The following ZNF483 variants were observed in gnomAD, a reference collection of about 807,000 sequenced individuals.
ZNF483 encodes the protein zinc finger protein 483.
Under a neutral mutation model 28.6 loss-of-function variants are expected in ZNF483, and 9 were observed. The ratio of observed to expected loss-of-function variants is 0.32; its 90% confidence interval spans 0.19 to 0.55. The LOEUF is 0.55. ZNF483 is among the 20% of genes least tolerant of loss of function. The probability of loss-of-function intolerance (pLI) is 0.93; values close to 1 mark genes in which losing one functional copy is unlikely to be tolerated. For missense variants in ZNF483, 675 were observed against 871.7 expected (o/e 0.77, Z 2.84); for synonymous variants, 322 against 306.2 (o/e 1.05, Z -0.54).
chr9:111,572,432 TA>T (rs1352067494), intron 5 of ZNF483, among the ~76,000 whole-genome samples: 1 of 151,710 alleles, frequency 6.6e-6, no homozygotes, highest in Non-Finnish European at 1.5e-5. Context: ...CTACTAAAAA[TA>T]AAAAAAATTA....
At position 111,527,716 on chromosome 9, in the gene ZNF483, G is replaced by T. The variant is rs1304795856; in HGVS notation, c.321G>T (p.Glu107Asp). The change falls in exon 2 of 6, where the codon GAG becomes GAT. Residue 107 changes from glutamate to aspartate, a missense_variant. Glu to Asp is a conservative substitution (Grantham distance 45). Coordinates refer to ENST00000309235, the MANE Select transcript of ZNF483 (RefSeq NM_133464.5). ...FEQFLTILPGEIRIWVKSQHP... is the reference protein window; with the variant it reads ...FEQFLTILPGDIRIWVKSQHP... ...AGTTCCTGACCATTTTGCCTGGGGA[G>T]ATCAGGATTTGGGTAAAGTCACAAC... 1.2e-6 allele frequency: 2 copies of T among 1,614,174 alleles called. No individual in the cohort carries two copies. The highest frequency in any genetic ancestry group is 1.7e-6 in the Non-Finnish European group (2 of 1,180,028).
intron 5 of ZNF483, chr9:111,563,074 A>C: frequency 6.3e-7 from 1 of 1,598,940 alleles, no homozygotes; most frequent in Non-Finnish European, 8.5e-7. Flanking sequence ...TGAAAAACAA[A>C]TTAACTAATC....
intron 5 of ZNF483, among the ~76,000 whole-genome samples, chr9:111,537,396 A>G (rs938297719): frequency 6.6e-6 from 1 of 151,820 alleles, no homozygotes; most frequent in African/African-American, 2.4e-5. Flanking sequence ...TAAATTTTGT[A>G]TTTTCAGTAG....
chr9:111,571,164 C>T (rs1380884647), intron 5 of ZNF483, among the ~76,000 whole-genome samples: 1 of 149,816 alleles, frequency 6.7e-6, no homozygotes, highest in Non-Finnish European at 1.5e-5. Flanking sequence ...TATAATCCAG[C>T]ATTTTGGGAG....
chr9:111,538,210 A>T (rs958248806), intron 5 of ZNF483, among the ~76,000 whole-genome samples: 6 of 151,756 alleles, frequency 4.0e-5, no homozygotes, highest in African/African-American at 9.7e-5. Context: ...TTTTTCTAAC[A>T]TGTTTATTGA....
chr9:111,549,034 A>G lies in ZNF483; in HGVS notation c.*5864A>G, dbSNP rs748450511. Among the ~76,000 whole-genome samples the G allele has an allele frequency of 3.3e-5, 5 of 152,026 alleles. No homozygotes were observed. The highest frequency in any genetic ancestry group is 4.8e-5 in the African/African-American group (2 of 41,388). ...CTCTGTGGGGTGAGGGTAGGAGTCA[A>G]TTGCAGTGCTTGTTGCCATAGTTCA... On this transcript the variant is annotated 3_prime_UTR_variant, in exon 6 of 6. Coordinates refer to ENST00000309235, the MANE Select transcript of ZNF483 (RefSeq NM_133464.5).
At position 111,543,231 on chromosome 9, in the gene ZNF483, G is replaced by A. The variant is rs560878904; in HGVS notation, c.*61G>A. The A allele has an allele frequency of 2.1e-5, 32 of 1,529,332 alleles. No individual in the cohort carries two copies. In the South Asian group the frequency reaches 3.7e-4, roughly 17 times the overall value. The allele number at this position is 1,529,332 out of a possible 1,614,324, so 94.7% of individuals were successfully genotyped here. ...CAAATTGTCAGTTACTGAAACCCTG[G>A]GATGTAAACTTACAGTATTGATCAG... On this transcript the variant is annotated 3_prime_UTR_variant, in exon 6 of 6. Coordinates refer to ENST00000309235, the MANE Select transcript of ZNF483 (RefSeq NM_133464.5).
intron 5 of ZNF483, among the ~76,000 whole-genome samples, chr9:111,560,849 A>C (rs1828262257): frequency 6.7e-6 from 1 of 148,660 alleles, no homozygotes; most frequent in Non-Finnish European, 1.5e-5. Context: ...GGGCTGAGGC[A>C]GGAGAATCGC....
intron 5 of ZNF483, among the ~76,000 whole-genome samples, chr9:111,572,501 A>G (rs913655128): frequency 1.3e-5 from 2 of 152,134 alleles, no homozygotes; most frequent in African/African-American, 4.8e-5. Context: ...AAGGCAGGAG[A>G]ATCGCTTGAA....
intron 5 of ZNF483, among the ~76,000 whole-genome samples, chr9:111,565,849 G>A (rs901775742): frequency 5.9e-5 from 9 of 151,996 alleles, no homozygotes; most frequent in African/African-American, 2.2e-4. Flanking sequence ...AATAAAAAGT[G>A]AATTTTAAAA....
chr9:111,541,902 G>A lies in ZNF483; in HGVS notation c.967G>A (p.Val323Ile), dbSNP rs1393039748. ...TTCAGACTTAATTAAACATCTGAGA[G>A]TCTACTTGAGGAAGAAATCTCGGAG... is the stretch of plus-strand genomic sequence containing the variant. ...ETSDLIKHLR[V>I]YLRKKSRRYN... The change falls in exon 6 of 6, where the codon GTC (valine) becomes ATC (isoleucine). Residue 323 changes from valine (V) to isoleucine (I), a missense_variant. Coordinates refer to ENST00000309235, the MANE Select transcript of ZNF483 (RefSeq NM_133464.5). The A allele has an allele frequency of 1.1e-5, 18 of 1,613,962 alleles. No individual in the cohort carries two copies. Among genetic ancestry groups the A allele is most frequent in the Non-Finnish European group, 1.4e-5 (17 of 1,180,024 alleles).
downstream of ZNF483, among the ~76,000 whole-genome samples, chr9:111,559,771 C>T (rs892441032): frequency 1.3e-5 from 2 of 152,218 alleles, no homozygotes; most frequent in Non-Finnish European, 2.9e-5. Context: ...AGACAGTCAC[C>T]TTGCTTGGCT....
At position 111,546,463 on chromosome 9, in the gene ZNF483, C is replaced by T. The variant is rs1827809609; in HGVS notation, c.*3293C>T. ...ATTTAAATTCACTTTTGGATTAAGT[C>T]AGATTATCAAAAGGCTTTAAACGTC... On this transcript the variant is annotated 3_prime_UTR_variant, in exon 6 of 6. Transcript: ENST00000309235. Among the ~76,000 whole-genome samples, 1 of 152,128 alleles carries T rather than the reference C, an allele frequency of 6.6e-6. No homozygotes were observed. Among genetic ancestry groups the T allele is most frequent in the Admixed American group, 6.6e-5 (1 of 15,260 alleles).
intron 5 of ZNF483, among the ~76,000 whole-genome samples, chr9:111,571,218 C>G (rs1188883552): frequency 6.7e-6 from 1 of 149,338 alleles, no homozygotes; most frequent in Non-Finnish European, 1.5e-5. Flanking sequence ...TTGAGAGCAG[C>G]CTGGCCAACA....
At chr9:111,563,121 T>G (rs544559218) in intron 5 of ZNF483, 29 of 1,612,580 alleles carry the variant, frequency 1.8e-5, no homozygotes, top group Middle Eastern at 3.3e-4. Flanking sequence ...GTCCTCTTTT[T>G]CATGCTTTCA....
intron 5 of ZNF483, among the ~76,000 whole-genome samples, chr9:111,537,974 G>C (rs776208005): frequency 1.3e-5 from 2 of 152,120 alleles, no homozygotes; most frequent in Non-Finnish European, 2.9e-5. Flanking sequence ...CATTTCTCTT[G>C]ACTGTGAATG....
At chr9:111,537,410 C>A (rs1055216645) in intron 5 of ZNF483, among the ~76,000 whole-genome samples, 1 of 151,924 alleles carries the variant, frequency 6.6e-6, no homozygotes, top group Non-Finnish European at 1.5e-5. Flanking sequence ...TCAGTAGAGA[C>A]GGGGTTTAAC....
At chr9:111,527,866 A>G in intron 2 of ZNF483, 59 bp downstream of exon 2, 1 of 1,613,666 alleles carries the variant, frequency 6.2e-7, no homozygotes, top group Non-Finnish European at 8.5e-7. Context: ...CCGAAAGTAA[A>G]TTCCTCAAAA....
At chr9:111,526,338 C>A (rs900729614) in intron 1 of ZNF483, among the ~76,000 whole-genome samples, 1 of 152,160 alleles carries the variant, frequency 6.6e-6, no homozygotes, top group African/African-American at 2.4e-5. Context: ...GGTCATCAGA[C>A]AGTGTCTCTA....
Sources: allele counts gnomAD v4.1 joint callset (sites outside exome capture counted in the v4.1 genomes callset), GRCh38; gene constraint gnomAD v4.1.1; transcripts MANE v1.5; gene names NCBI Gene and HGNC (gene_info 2026-07-23, HGNC 2026-07-21).